ABCC4: variants seen among roughly 807,000 people sequenced by gnomAD.
ABCC4 encodes the protein ATP binding cassette subfamily C member 4 (PEL blood group), also known as ATP-binding cassette sub-family C member 4.
A neutral mutation model predicts 168.5 loss-of-function variants in ABCC4; 102 were observed. That is an observed-to-expected ratio of 0.61 (90% CI 0.52 to 0.71). ABCC4 has a LOEUF of 0.71. Ranked by LOEUF, ABCC4 falls within the 30% of genes least tolerant of loss-of-function variation. The probability of loss-of-function intolerance (pLI) is 0.00; values close to 1 mark genes in which losing one functional copy is unlikely to be tolerated. For synonymous variants in ABCC4, 617 were observed against 590.7 expected, an observed-to-expected ratio of 1.04 and a Z score of -0.65; for missense variants, 1,402 against 1,605.8, an observed-to-expected ratio of 0.87 and a Z score of 2.17.
chr13:95,211,064 G>A lies in ABCC4; in HGVS notation c.532-283C>T, dbSNP rs560734638. Reference sequence around the variant, plus strand: ...CAAAAGGACATAAGTTTCTACTTAAGAGCCAACCAAAGTAATTTTGAGCCA... The same window carrying A: ...CAAAAGGACATAAGTTTCTACTTAAAAGCCAACCAAAGTAATTTTGAGCCA... On this transcript the variant is annotated intron_variant, in intron 4 of 30. Coordinates refer to ENST00000645237, the MANE Select transcript of ABCC4 (RefSeq NM_005845.5). 3.3e-5 allele frequency among the ~76,000 whole-genome samples: 5 copies of A among 152,286 alleles called. No individual in the cohort carries two copies. The South Asian group carries it at 1.0e-3, about 32-fold the overall frequency.
At chr13:95,133,414 C>T (rs1024210730) in intron 19 of ABCC4, among the ~76,000 whole-genome samples, 2 of 151,986 alleles carry the variant, frequency 1.3e-5, no homozygotes, top group Non-Finnish European at 2.9e-5. Flanking sequence ...ACACCCAGTC[C>T]CTAAAAACAT....
At chr13:95,125,525 GTAAA>G (rs1011532766) in intron 19 of ABCC4, among the ~76,000 whole-genome samples, 2 of 123,182 alleles carry the variant, frequency 1.6e-5, no homozygotes, top group African/African-American at 2.7e-5. Context: ...CTTGTAACAA[GTAAA>G]TAAATGAATG....
chr13:95,027,324 C>T (rs921791151), intron 30 of ABCC4, among the ~76,000 whole-genome samples: 8 of 151,962 alleles, frequency 5.3e-5, no homozygotes, highest in Admixed American at 2.6e-4. Context: ...GGACTTGGTA[C>T]GCATCCACTA....
intron 20 of ABCC4, among the ~76,000 whole-genome samples, chr13:95,105,141 C>T (rs1189431): frequency 0.92 from 140,239 of 151,634 alleles, 65,016 homozygotes; most frequent in Non-Finnish European, 0.96. Context: ...TGATCAGGCA[C>T]TAGATTCTCA....
At chr13:95,257,062 T>C (rs1308758579) in intron 1 of ABCC4, among the ~76,000 whole-genome samples, 1 of 152,196 alleles carries the variant, frequency 6.6e-6, no homozygotes, top group Non-Finnish European at 1.5e-5. Flanking sequence ...AAACCACATA[T>C]TAATTTTTGA....
chr13:95,228,617 A>T (rs2039533577), intron 4 of ABCC4, among the ~76,000 whole-genome samples: 1 of 152,080 alleles, frequency 6.6e-6, no homozygotes. Context: ...TCTACTAAAA[A>T]TACAAAAATG....
chr13:95,194,910 G>A lies in ABCC4; in HGVS notation c.1189C>T (p.Gln397Ter). 1 of 1,614,062 alleles carries A rather than the reference G, an allele frequency of 6.2e-7. No homozygotes were observed. The highest frequency in any genetic ancestry group is 8.5e-7 in the Non-Finnish European group (1 of 1,180,002). The change falls in exon 9 of 31, where the codon CAG (glutamine) becomes TAG (stop). Residue 397 changes from glutamine (Q) to a stop codon, truncating the protein, a stop_gained. Coordinates refer to ENST00000645237, the MANE Select transcript of ABCC4 (RefSeq NM_005845.5). LOFTEE classifies it high-confidence loss of function. Reference sequence around the variant, plus strand: ...TCTGACGGCAGCTGACGGTTGCGCTGTGATATCTCATCAAGTAGCAAAAAG... The same window carrying A: ...TCTGACGGCAGCTGACGGTTGCGCTATGATATCTCATCAAGTAGCAAAAAG... The part of the protein sequence containing the change: ...QTFLLLDEIS[Q>*]RNRQLPSDGK...
intron 19 of ABCC4, among the ~76,000 whole-genome samples, chr13:95,142,479 G>C (rs958052742): frequency 6.6e-6 from 1 of 152,234 alleles, no homozygotes; most frequent in East Asian, 1.9e-4. Flanking sequence ...ATATGGTGCA[G>C]TGTATCCTGC....
At chr13:95,210,419 TATG>T (rs2038920621) in intron 5 of ABCC4, among the ~76,000 whole-genome samples, 1 of 152,236 alleles carries the variant, frequency 6.6e-6, no homozygotes, top group South Asian at 2.1e-4. Flanking sequence ...TGAATTTTGT[TATG>T]ATGTTTCCAC....
chr13:95,277,439 G>GGCATGGT (rs2040999307), intron 1 of ABCC4, among the ~76,000 whole-genome samples: 1 of 152,004 alleles, frequency 6.6e-6, no homozygotes, highest in Non-Finnish European at 1.5e-5. Flanking sequence ...AAATTAGCCG[G>GGCATGGT]GCATGGTGGC....
chr13:95,065,049 T>C (rs1484402048), intron 25 of ABCC4, among the ~76,000 whole-genome samples: 2 of 152,190 alleles, frequency 1.3e-5, no homozygotes, highest in East Asian at 1.9e-4. Flanking sequence ...TCTCTTCATA[T>C]ATGAAACTCA....
intron 13 of ABCC4, among the ~76,000 whole-genome samples, chr13:95,171,103 G>C (rs1419384229): frequency 7.4e-6 from 1 of 134,826 alleles, no homozygotes; most frequent in African/African-American, 2.9e-5. Flanking sequence ...CTTTGCCAGA[G>C]TGCATTTTCC....
At chr13:95,175,236 C>T (rs2037629769) in intron 13 of ABCC4, among the ~76,000 whole-genome samples, 1 of 152,144 alleles carries the variant, frequency 6.6e-6, no homozygotes, top group Non-Finnish European at 1.5e-5. Context: ...GAACCATGCT[C>T]CCCTCAAAGT....
In ABCC4 at chr13:95,044,533, C is replaced by T. The variant is rs1034450569; in HGVS notation, c.3457-95G>A. 9 of 1,125,628 alleles carry T rather than the reference C, an allele frequency of 8.0e-6. No individual in the cohort carries two copies. The African/African-American group carries it at 9.6e-5, about 12-fold the overall frequency. The allele number at this position is 1,125,628 out of a possible 1,614,324, so 69.7% of individuals were successfully genotyped here. On this transcript the variant is annotated intron_variant, in intron 27 of 30. Transcript: ENST00000645237. ...ATTAGAACCTTCAAGTCCCTTCTCT[C>T]GAGAGATATAACTTAAGTGGACACA...
Position 95,194,955 on chromosome 13 carries a change from A to G in ABCC4, c.1162-18T>C. ...AAAAAGGTCTAAAGAAAATGGGAAA[A>G]ACACAGATTGTTTAAATTACAGAAA... On this transcript the variant is annotated intron_variant, in intron 8 of 30. Coordinates refer to ENST00000645237, the MANE Select transcript of ABCC4 (RefSeq NM_005845.5). 6.3e-7 allele frequency: 1 copy of G among 1,599,938 alleles called. No homozygotes were observed. Among genetic ancestry groups the G allele is most frequent in the Non-Finnish European group, 8.5e-7 (1 of 1,169,754 alleles).
intron 1 of ABCC4, among the ~76,000 whole-genome samples, chr13:95,293,734 G>A (rs2041458943): frequency 6.6e-6 from 1 of 151,042 alleles, no homozygotes; most frequent in African/African-American, 2.4e-5. Flanking sequence ...CAAAGTGCTG[G>A]GATTACAGGC....
At chr13:95,047,353 T>G (rs1281127643) in intron 27 of ABCC4, among the ~76,000 whole-genome samples, 1 of 152,104 alleles carries the variant, frequency 6.6e-6, no homozygotes, top group Non-Finnish European at 1.5e-5. Flanking sequence ...ATTGTTGGAG[T>G]ATAAAATCAG....
chr13:95,118,335 C>A lies in ABCC4; in HGVS notation c.2456-2334G>T, dbSNP rs535505257. Among the ~76,000 whole-genome samples, 8 of 151,690 alleles carry A rather than the reference C, an allele frequency of 5.3e-5. No individual in the cohort carries two copies. The East Asian group carries it at 1.4e-3, about 26-fold the overall frequency. On this transcript the variant is annotated intron_variant, in intron 19 of 30. Coordinates refer to ENST00000645237, the MANE Select transcript of ABCC4 (RefSeq NM_005845.5). ...CTCAGCTCACTGCAACCTCTGTCTCCTGGGTTCAAGTGATTCTCCTGCCTC... is the reference window on the plus strand; with the variant it reads ...CTCAGCTCACTGCAACCTCTGTCTCATGGGTTCAAGTGATTCTCCTGCCTC...
At chr13:95,196,942 C>T (rs540737627) in intron 8 of ABCC4, among the ~76,000 whole-genome samples, 1 of 152,322 alleles carries the variant, frequency 6.6e-6, no homozygotes, top group Admixed American at 6.5e-5. Context: ...TCAAACTCTT[C>T]CATGACCCAG....
Sources: gnomAD v4.1 joint callset for allele counts (sites outside exome capture counted in the v4.1 genomes callset) on GRCh38, gnomAD v4.1.1 for gene constraint, MANE v1.5 for transcripts, NCBI Gene and HGNC (gene_info 2026-07-23, HGNC 2026-07-21) for gene names.